IGSF9B: variants seen among roughly 807,000 people sequenced by gnomAD.
IGSF9B encodes protein turtle homolog B.
A neutral mutation model predicts 143.7 loss-of-function variants in IGSF9B; 48 were observed. That is an observed-to-expected ratio of 0.33 (90% confidence interval 0.26 to 0.42). IGSF9B has a LOEUF of 0.42. Ranked by LOEUF, IGSF9B falls within the 20% of genes least tolerant of loss-of-function variation. IGSF9B has a pLI of 1.00. For synonymous variants in IGSF9B, 903 were observed against 833.1 expected, an observed-to-expected ratio of 1.08 and a Z score of -1.44; for missense variants, 1,706 against 1,980.0, an observed-to-expected ratio of 0.86 and a Z score of 2.63.
At position 133,928,420 on chromosome 11, in the gene IGSF9B, T is replaced by C. The variant is rs571740379; in HGVS notation, c.1631+1251A>G. ...CCGGGAAGCAGCCACCGAACCACCA[T>C]GATGGGAGACAGAGCGGGTGCCCCT... On this transcript the variant is annotated intron_variant, in intron 12 of 19. Coordinates refer to ENST00000533871, the MANE Select transcript of IGSF9B (RefSeq NM_001277285.4). This position sits in a 1 kb window ranked among gnomAD's most constrained non-coding sequence, Gnocchi z 4.7. 1.3e-5 allele frequency among the ~76,000 whole-genome samples: 2 copies of C among 152,252 alleles called. No individual in the cohort carries two copies. Among genetic ancestry groups the C allele is most frequent in the East Asian group, 3.9e-4 (2 of 5,174 alleles).
At position 133,945,962 on chromosome 11, in the gene IGSF9B, G is replaced by A. The variant is rs1156744640; in HGVS notation, c.262+99C>T. ...AACCAGGCAGAGACTGGGAAACAGA[G>A]ATAAAGAGTGGTCAGGACAAGGCAG... On this transcript the variant is annotated intron_variant, in intron 2 of 19. Coordinates refer to ENST00000533871, the MANE Select transcript of IGSF9B (RefSeq NM_001277285.4). The surrounding 1 kb of genome is among the most constrained non-coding windows in gnomAD (Gnocchi z 4.6). 6.4e-6 allele frequency: 5 copies of A among 780,472 alleles called. No homozygotes were observed. Among genetic ancestry groups the A allele is most frequent in the Non-Finnish European group, 1.0e-5 (5 of 486,294 alleles). 48.3% of individuals were successfully genotyped at this position (780,472 alleles called of 1,614,324 possible).
intron 2 of IGSF9B, among the ~76,000 whole-genome samples, chr11:133,944,652 C>G (rs904865716): frequency 6.6e-6 from 1 of 152,226 alleles, no homozygotes; most frequent in Admixed American, 6.5e-5. Flanking sequence ...CCCTAGAATA[C>G]TCTCATTCTT....
In IGSF9B at chr11:133,935,661, C is replaced by A; in HGVS notation, c.923G>T (p.Ser308Ile). Residue 308 changes from serine to isoleucine, a missense_variant, in exon 7 of 20, where the codon AGC (serine) becomes ATC (isoleucine). Transcript: ENST00000533871. ...SGKYTCVPSNSLGRSPSASAY... is the reference protein window; with the variant it reads ...SGKYTCVPSNILGRSPSASAY... ...CGAGGCGGAGGGGGAGCGCCCCAGG[C>A]TGTTGCTGGGCACACAGGTGTACTT... is the stretch of plus-strand genomic sequence containing the variant. 6.2e-7 allele frequency: 1 copy of A among 1,610,824 alleles called. No individual in the cohort carries two copies. The highest frequency in any genetic ancestry group is 8.5e-7 in the Non-Finnish European group (1 of 1,178,838).
chr11:133,931,267 C>T lies in IGSF9B; in HGVS notation c.1369-133G>A. On this transcript the variant is annotated intron_variant, in intron 10 of 19. Coordinates refer to ENST00000533871, the MANE Select transcript of IGSF9B (RefSeq NM_001277285.4). The surrounding 1 kb of genome is among the most constrained non-coding windows in gnomAD (Gnocchi z 7.7). ...GCCCTCCTCCCGAGTGCCTGCCGCT[C>T]TTCAGGGTCAGCTCACTGCTCGGCA... The T allele has an allele frequency of 9.8e-7, 1 of 1,020,442 alleles. No individual in the cohort carries two copies. 63.2% of individuals were successfully genotyped at this position (1,020,442 alleles called of 1,614,324 possible).
chr11:133,915,882 T>G (rs760162734), intron 18 of IGSF9B, among the ~76,000 whole-genome samples: 2 of 152,178 alleles, frequency 1.3e-5, no homozygotes, highest in Non-Finnish European at 2.9e-5. Flanking sequence ...AAGCCACTCA[T>G]AGACGGGCCA....
chr11:133,936,659 C>G (rs2121320657), intron 5 of IGSF9B, among the ~76,000 whole-genome samples: 1 of 152,274 alleles, frequency 6.6e-6, no homozygotes, highest in East Asian at 1.9e-4. Flanking sequence ...CAAGTCTCCC[C>G]TGAGAGGGAA....
chr11:133,919,851 C>A lies in IGSF9B; in HGVS notation c.3874G>T (p.Ala1292Ser). 1.9e-6 allele frequency: 3 copies of A among 1,584,062 alleles called. No homozygotes were observed. The highest frequency in any genetic ancestry group is 1.1e-5 in the South Asian group (1 of 87,518). ...YPSPPPGPAP[A>S]GPGDSLDVFG... ...ACGTCCAAGCTGTCCCCAGGCCCAG[C>A]AGGGGCGGGGCCGGGTGGAGGGGAA... Residue 1292 changes from alanine to serine, a missense_variant, in exon 18 of 20, where the codon GCT (alanine) becomes TCT (serine). Physicochemically the swap from Ala to Ser is moderately conservative, Grantham distance 99 (BLOSUM62 1). Transcript: ENST00000533871.
chr11:133,940,354 C>T (rs1218347959), intron 3 of IGSF9B, among the ~76,000 whole-genome samples: 4 of 143,008 alleles, frequency 2.8e-5, no homozygotes, highest in South Asian at 4.6e-4. Context: ...CACGCGTCAT[C>T]GCACGCACAC....
intron 1 of IGSF9B, 93 bp from the exon 2 acceptor site, chr11:133,946,351 C>G: frequency 2.7e-6 from 3 of 1,109,726 alleles, no homozygotes; most frequent in Non-Finnish European, 3.9e-6. Flanking sequence ...TCACCCCGCC[C>G]CCCACCAGCT....
intron 3 of IGSF9B, among the ~76,000 whole-genome samples, chr11:133,938,727 C>G (rs1426440719): frequency 6.6e-6 from 1 of 152,138 alleles, no homozygotes; most frequent in Non-Finnish European, 1.5e-5. Flanking sequence ...CAGTTCTGAA[C>G]TCCAGCCCGG....
At chr11:133,947,452 G>A (rs1241981738) in intron 1 of IGSF9B, among the ~76,000 whole-genome samples, 1 of 152,242 alleles carries the variant, frequency 6.6e-6, no homozygotes, top group East Asian at 1.9e-4. Flanking sequence ...CTCCAGGGCA[G>A]CACCTAGGAC....
At position 133,903,145 on chromosome 11, in the gene IGSF9B, G is replaced by A. The variant is rs775118500; in HGVS notation, c.*5924C>T. Among the ~76,000 whole-genome samples, 57 of 152,078 alleles carry A rather than the reference G, an allele frequency of 3.7e-4. No individual in the cohort carries two copies. Among genetic ancestry groups the A allele is most frequent in the African/African-American group, 1.2e-3 (51 of 41,406 alleles). On this transcript the variant is annotated 3_prime_UTR_variant, in exon 20 of 20. Coordinates refer to ENST00000533871, the MANE Select transcript of IGSF9B (RefSeq NM_001277285.4). ...AAGGGAAGCTAACTGGTGTGTATAC[G>A]GGGTGGCGAGGGAGAACCTGCCCTA...
rs1939662592 is a variant in IGSF9B, at chr11:133,928,149, C to T, written c.1632-1058G>A. On this transcript the variant is annotated intron_variant, in intron 12 of 19. Coordinates refer to ENST00000533871, the MANE Select transcript of IGSF9B (RefSeq NM_001277285.4). The surrounding 1 kb of genome is among the most constrained non-coding windows in gnomAD (Gnocchi z 4.7). The stretch of plus-strand genomic sequence containing the variant: ...GGGGAGCCCCAATCTACACCTGAGC[C>T]CCCCATCGTATGCCCAGACCTCCCA... Among the ~76,000 whole-genome samples, 3 of 152,092 alleles carry T rather than the reference C, an allele frequency of 2.0e-5. No individual in the cohort carries two copies. The highest frequency in any genetic ancestry group is 4.4e-5 in the Non-Finnish European group (3 of 68,022).
rs1275838275 is a variant in IGSF9B at position 133,903,926 on chromosome 11, G to C, written c.*5143C>G. 6.6e-6 allele frequency among the ~76,000 whole-genome samples: 1 copy of C among 152,166 alleles called. No individual in the cohort carries two copies. Among genetic ancestry groups the C allele is most frequent in the Non-Finnish European group, 1.5e-5 (1 of 68,038 alleles). ...TGGTTTACTGACTTCTTCTAAAGAA[G>C]AGATTTTTCATTCTGCCTCTTAATC... is the stretch of plus-strand genomic sequence containing the variant. On this transcript the variant is annotated 3_prime_UTR_variant, in exon 20 of 20. Coordinates refer to ENST00000533871, the MANE Select transcript of IGSF9B (RefSeq NM_001277285.4).
In IGSF9B at chr11:133,920,503, G is replaced by A. The variant is rs758371160; in HGVS notation, c.3222C>T (p.Ala1074=). ...CDVPESLQPK[A]GLPRGLPPTS... is the part of the protein sequence containing the mutation. The stretch of plus-strand genomic sequence containing the variant: ...TGGGGGGCAGTCCTCGGGGGAGGCC[G>A]GCCTTGGGCTGCAGACTCTCGGGCA... The change falls in exon 18 of 20, where the codon GCC becomes GCT. Residue 1074 remains alanine (A), a synonymous_variant. Transcript: ENST00000533871. 1.1e-5 allele frequency: 18 copies of A among 1,588,786 alleles called. No individual in the cohort carries two copies. The highest frequency in any genetic ancestry group is 1.7e-4 in the Middle Eastern group (1 of 5,910).
In IGSF9B at chr11:133,922,236, G is replaced by A. The variant is rs763856255; in HGVS notation, c.2282-14C>T. ...AGAGTGGAGGGTCTGGAAGGAAAGAGAAGGGGAGAGGCTGCTGAGGCCAAG... is the reference window on the plus strand; with the variant it reads ...AGAGTGGAGGGTCTGGAAGGAAAGAAAAGGGGAGAGGCTGCTGAGGCCAAG... On this transcript the variant is annotated splice_polypyrimidine_tract_variant and intron_variant, in intron 16 of 19. Coordinates refer to ENST00000533871, the MANE Select transcript of IGSF9B (RefSeq NM_001277285.4). The A allele has an allele frequency of 9.9e-6, 16 of 1,611,250 alleles. No individual in the cohort carries two copies. The highest frequency in any genetic ancestry group is 2.2e-5 in the East Asian group (1 of 44,824).
At chr11:133,927,861 T>G (rs1184359362) in intron 12 of IGSF9B, among the ~76,000 whole-genome samples, 1 of 151,780 alleles carries the variant, frequency 6.6e-6, no homozygotes, top group African/African-American at 2.4e-5. Flanking sequence ...CCCTCCAGGA[T>G]CCACTCCCGG....
intron 1 of IGSF9B, among the ~76,000 whole-genome samples, chr11:133,956,479 C>A (rs1413484811): frequency 1.3e-5 from 2 of 151,646 alleles, no homozygotes; most frequent in African/African-American, 4.8e-5. Context: ...CTGGCCCCTT[C>A]CCGCCCGCCC....
intron 1 of IGSF9B, among the ~76,000 whole-genome samples, chr11:133,954,520 G>A (rs935902234): frequency 6.6e-6 from 1 of 152,212 alleles, no homozygotes; most frequent in African/African-American, 2.4e-5. Context: ...CAGGGACACT[G>A]AGAAAATAAT....
Sources: gnomAD v4.1 joint callset for allele counts (sites outside exome capture counted in the v4.1 genomes callset) on GRCh38, gnomAD v4.1.1 for gene constraint, Gnocchi (gnomAD v3.1) non-coding constraint, MANE v1.5 for transcripts, NCBI Gene and HGNC (gene_info 2026-07-23, HGNC 2026-07-21) for gene names.